Variants in ESR1 observed in about 807,000 individuals in gnomAD.
The protein encoded by ESR1 is estrogen receptor.
ESR1 carries 12 observed loss-of-function variants against 52.7 expected under a neutral mutation model. The observed-to-expected ratio is 0.23, with a 90% confidence interval of 0.15 to 0.37. ESR1 has a LOEUF of 0.37. ESR1 is among the 10% of genes least tolerant of loss of function. The pLI, the probability that ESR1 is intolerant of heterozygous loss-of-function variation, is 1.00. For missense variants in ESR1, 584 were observed against 779.7 expected (o/e 0.75, Z 2.99); for synonymous variants, 305 against 316.8 (o/e 0.96, Z 0.39).
At chr6:152,110,142 C>T (rs2051114777) in intron 6 of ESR1, among the ~76,000 whole-genome samples, 1 of 152,180 alleles carries the variant, frequency 6.6e-6, no homozygotes, top group African/African-American at 2.4e-5. Flanking sequence ...GAATGGCAGA[C>T]ATGAAATTAG....
intron 1 of ESR1, among the ~76,000 whole-genome samples, chr6:151,672,799 A>G (rs544839276): frequency 6.6e-6 from 1 of 150,430 alleles, no homozygotes; most frequent in Non-Finnish European, 1.5e-5. Flanking sequence ...ATATGTTTTA[A>G]CATTCTTTGT....
At chr6:151,709,030 T>C (rs1160425280) in intron 2 of ESR1, among the ~76,000 whole-genome samples, 3 of 152,198 alleles carry the variant, frequency 2.0e-5, no homozygotes, top group Non-Finnish European at 4.4e-5. Flanking sequence ...TTATTAACTA[T>C]AGTCACCATG....
rs142307065 is a variant in ESR1, at chr6:151,753,378, C to T, written c.-71+51373C>T. On this transcript the variant is annotated intron_variant, in intron 2 of 2. Coordinates refer to the ESR1 transcript ENST00000404742. ...TCTCGCCCAGGCTGGAGTGCAGTGG[C>T]GTGATCTTGGCTCACTGCAACCTCC... Among the ~76,000 whole-genome samples the T allele has an allele frequency of 7.1e-3, 1,058 of 148,452 alleles. 9 individuals carry two copies. The highest frequency in any genetic ancestry group is 0.012 in the Non-Finnish European group (809 of 67,696).
intron 5 of ESR1, among the ~76,000 whole-genome samples, chr6:152,017,200 G>T (rs2128802528): frequency 6.6e-6 from 1 of 152,236 alleles, no homozygotes; most frequent in East Asian, 1.9e-4. Context: ...CCTATCTTGT[G>T]TCCATTTAAA....
intron 2 of ESR1, among the ~76,000 whole-genome samples, chr6:151,763,179 C>T (rs902277771): frequency 2.0e-5 from 3 of 151,798 alleles, no homozygotes; most frequent in African/African-American, 7.3e-5. Context: ...TATGTAATTT[C>T]CAAATTATAA....
At chr6:151,793,569 G>A (rs1776409620) in intron 2 of ESR1, among the ~76,000 whole-genome samples, 1 of 152,140 alleles carries the variant, frequency 6.6e-6, no homozygotes, top group Non-Finnish European at 1.5e-5. Context: ...GGCACAATAG[G>A]TTTGCTTACA....
chr6:151,885,848 CTG>C (rs1793756718), intron 3 of ESR1, among the ~76,000 whole-genome samples: 1 of 152,274 alleles, frequency 6.6e-6, no homozygotes, highest in East Asian at 1.9e-4. Context: ...GAGTGAGACT[CTG>C]TCTCAAAAAT....
At chr6:152,016,699 C>T (rs1183136073) in intron 5 of ESR1, among the ~76,000 whole-genome samples, 1 of 152,118 alleles carries the variant, frequency 6.6e-6, no homozygotes, top group Non-Finnish European at 1.5e-5. Flanking sequence ...TGCTCTTGTC[C>T]CATCACATTG....
chr6:151,676,574 T>C (rs931273789), intron 1 of ESR1, among the ~76,000 whole-genome samples: 1 of 152,210 alleles, frequency 6.6e-6, no homozygotes, highest in Non-Finnish European at 1.5e-5. Flanking sequence ...TGAAATATCA[T>C]GCTCTCCCTG....
At chr6:151,819,901 T>G (rs1780285236) in intron 1 of ESR1, among the ~76,000 whole-genome samples, 1 of 152,180 alleles carries the variant, frequency 6.6e-6, no homozygotes, top group Non-Finnish European at 1.5e-5. Context: ...TTTATCATAT[T>G]CATTCACTCA....
chr6:151,868,442 T>G (rs1790365775), intron 2 of ESR1, among the ~76,000 whole-genome samples: 1 of 152,180 alleles, frequency 6.6e-6, no homozygotes, highest in South Asian at 2.1e-4. Flanking sequence ...TAGATAGTTT[T>G]TCAGTCCTTG....
rs1344871302 is a variant in ESR1 at position 152,094,114 on chromosome 6, T to A, written c.1370-271T>A. Reference sequence around the variant, plus strand: ...CTGTCTGAGAAAAGGTGGCCCATGTTACCATGACAGGCCCCAAGGCTAACA... The same window carrying A: ...CTGTCTGAGAAAAGGTGGCCCATGTAACCATGACAGGCCCCAAGGCTAACA... On this transcript the variant is annotated intron_variant, in intron 6 of 7. Coordinates refer to ENST00000206249, the MANE Select transcript of ESR1 (RefSeq NM_000125.4). This position sits in a 1 kb window ranked among gnomAD's most constrained non-coding sequence, Gnocchi z 4.6. Among the ~76,000 whole-genome samples the A allele has an allele frequency of 6.6e-6, 1 of 152,214 alleles. No individual in the cohort carries two copies. Among genetic ancestry groups the A allele is most frequent in the African/African-American group, 2.4e-5 (1 of 41,456 alleles).
intron 2 of ESR1, among the ~76,000 whole-genome samples, chr6:151,735,559 G>GT (rs1399203385): frequency 4.0e-5 from 6 of 150,938 alleles, no homozygotes; most frequent in East Asian, 3.9e-4. Context: ...TTGGTTGTTT[G>GT]TTTTTGTTTT....
chr6:151,792,375 A>AT (rs1346668971), intron 2 of ESR1, among the ~76,000 whole-genome samples: 3 of 151,556 alleles, frequency 2.0e-5, no homozygotes, highest in African/African-American at 7.3e-5. Flanking sequence ...TTTATTAAAA[A>AT]TTTTTCTTTC....
At chr6:151,687,529 C>T (rs532815319), upstream of ESR1, among the ~76,000 whole-genome samples, 2 of 152,296 alleles carry the variant, frequency 1.3e-5, no homozygotes, top group South Asian at 4.1e-4. Context: ...ACTCTGCTAT[C>T]ATCTGGGGTG....
chr6:152,062,115 T>G (rs1010232757), intron 6 of ESR1, among the ~76,000 whole-genome samples: 1 of 152,140 alleles, frequency 6.6e-6, no homozygotes, highest in South Asian at 2.1e-4. Flanking sequence ...CAGCTTGTAT[T>G]GATCACATAC....
chr6:152,049,367 T>C (rs1010707859), intron 5 of ESR1, among the ~76,000 whole-genome samples: 3 of 152,208 alleles, frequency 2.0e-5, no homozygotes, highest in African/African-American at 7.2e-5. Context: ...AGAACTCTTC[T>C]GGCTATCAGC....
intron 6 of ESR1, among the ~76,000 whole-genome samples, chr6:152,072,673 A>T (rs1398322166): frequency 6.6e-6 from 1 of 152,244 alleles, no homozygotes; most frequent in Non-Finnish European, 1.5e-5. Context: ...AACAGAAAGC[A>T]GATGCTTAGG....
At chr6:151,872,164 C>A (rs537644546) in intron 2 of ESR1, among the ~76,000 whole-genome samples, 3 of 152,198 alleles carry the variant, frequency 2.0e-5, no homozygotes, top group Admixed American at 2.0e-4. Context: ...TCTCCCACTT[C>A]ATTTTGACAC....
Sources: allele counts gnomAD v4.1 joint callset (sites outside exome capture counted in the v4.1 genomes callset), GRCh38; gene constraint gnomAD v4.1.1; non-coding constraint Gnocchi (gnomAD v3.1); transcripts MANE v1.5; gene names NCBI Gene and HGNC (gene_info 2026-07-23, HGNC 2026-07-21).